COL4A3: variants seen among roughly 807,000 people sequenced by gnomAD.
COL4A3 encodes collagen alpha-3(IV) chain.
Under a neutral mutation model 217.4 loss-of-function variants are expected in COL4A3, and 135 were observed. The ratio of observed to expected loss-of-function variants is 0.62; its 90% confidence interval spans 0.54 to 0.72. The LOEUF (loss-of-function observed/expected upper bound fraction) is 0.72, where lower values mean the gene tolerates loss of function less well. COL4A3 is among the 30% of genes least tolerant of loss of function. The probability of loss-of-function intolerance (pLI) is 0.00; values close to 1 mark genes in which losing one functional copy is unlikely to be tolerated. For synonymous variants in COL4A3, 690 were observed against 736.3 expected, an observed-to-expected ratio of 0.94 and a Z score of 1.02; for missense variants, 1,868 against 2,119.9, an observed-to-expected ratio of 0.88 and a Z score of 2.33.
chr2:227,183,823 G>A (rs776222521), intron 1 of COL4A3, among the ~76,000 whole-genome samples: 1 of 152,178 alleles, frequency 6.6e-6, no homozygotes, highest in Non-Finnish European at 1.5e-5. Context: ...AGCCAAGCCA[G>A]TCAAGTGCCC....
Position 227,164,651 on chromosome 2 carries a change from G to A in COL4A3, c.-76G>A. ...GCTTTCCAGCCGGGCTCCCAGAGCC[G>A]CGCTGCGCAGGAGACGCGGTGGCCT... On this transcript the variant is annotated 5_prime_UTR_variant, in exon 1 of 52. Transcript: ENST00000396578. The surrounding 1 kb of genome is among the most constrained non-coding windows in gnomAD (Gnocchi z 4.8). 1 of 1,525,386 alleles carries A rather than the reference G, an allele frequency of 6.6e-7. No individual in the cohort carries two copies. Among genetic ancestry groups the A allele is most frequent in the Non-Finnish European group, 8.8e-7 (1 of 1,141,270 alleles). 94.5% of individuals were successfully genotyped at this position (1,525,386 alleles called of 1,614,324 possible).
At chr2:227,306,486 G>A (rs182736318) in intron 47 of COL4A3, among the ~76,000 whole-genome samples, 1 of 152,152 alleles carries the variant, frequency 6.6e-6, no homozygotes, top group East Asian at 1.9e-4. Context: ...TGAGGGCAGG[G>A]GTTAGGAAAA....
intron 1 of COL4A3, among the ~76,000 whole-genome samples, chr2:227,169,734 G>C (rs185456194): frequency 6.6e-6 from 1 of 152,082 alleles, no homozygotes; most frequent in African/African-American, 2.4e-5. Context: ...TTTTTGATGG[G>C]GTTGTTTGTT....
intron 1 of COL4A3, among the ~76,000 whole-genome samples, chr2:227,224,177 G>A (rs1243844915): frequency 6.6e-6 from 1 of 152,176 alleles, no homozygotes; most frequent in African/African-American, 2.4e-5. Flanking sequence ...CTATGAGACA[G>A]ATGAACTTTA....
intron 28 of COL4A3, 121 bp downstream of exon 28, chr2:227,277,674 G>T (rs890518071): frequency 1.2e-5 from 8 of 673,632 alleles, no homozygotes; most frequent in East Asian, 2.7e-5. Flanking sequence ...GATATAAAAT[G>T]AGTAAAATAG....
intron 26 of COL4A3, among the ~76,000 whole-genome samples, chr2:227,273,375 T>C (rs889687876): frequency 2.0e-5 from 3 of 152,140 alleles, no homozygotes; most frequent in Non-Finnish European, 4.4e-5. Flanking sequence ...ATATATGAAA[T>C]GAATAGATCC....
intron 26 of COL4A3, among the ~76,000 whole-genome samples, chr2:227,274,499 C>CTT (rs745900795): frequency 1.1e-4 from 16 of 140,584 alleles, no homozygotes; most frequent in African/African-American, 3.1e-4. Context: ...TTTGGAGCTG[C>CTT]TTTTTTTTTT....
At chr2:227,211,222 A>T (rs913497507) in intron 1 of COL4A3, among the ~76,000 whole-genome samples, 2 of 152,068 alleles carry the variant, frequency 1.3e-5, no homozygotes, top group African/African-American at 2.4e-5. Flanking sequence ...GATGGTCTTG[A>T]TCTCTTGACC....
chr2:227,292,883 G>A (rs918609606), intron 37 of COL4A3, among the ~76,000 whole-genome samples: 1 of 152,108 alleles, frequency 6.6e-6, no homozygotes. Flanking sequence ...GGCTTCCTGG[G>A]TATGCTACCA....
rs2069905327 is a variant in COL4A3, at chr2:227,253,357, T to C, written c.687+20T>C. The C allele has an allele frequency of 4.3e-6, 7 of 1,611,722 alleles. No individual in the cohort carries two copies. The Middle Eastern group carries it at 5.0e-4, about 114-fold the overall frequency. On this transcript the variant is annotated intron_variant, in intron 12 of 51. Coordinates refer to ENST00000396578, the MANE Select transcript of COL4A3 (RefSeq NM_000091.5). The surrounding 1 kb of genome is among the most constrained non-coding windows in gnomAD (Gnocchi z 4.4). ...GAGCGGGTAATTTAAATACTATGTT[T>C]TATTAGCAGGCGAGATATTTTATGT...
At chr2:227,216,727 G>T (rs555942874) in intron 1 of COL4A3, among the ~76,000 whole-genome samples, 3 of 152,090 alleles carry the variant, frequency 2.0e-5, no homozygotes, top group African/African-American at 7.2e-5. Context: ...TATTTCTTAA[G>T]TATCAGTTAT....
chr2:227,261,847 T>A (rs1451801565), intron 20 of COL4A3, among the ~76,000 whole-genome samples: 2 of 152,218 alleles, frequency 1.3e-5, no homozygotes, highest in Non-Finnish European at 1.5e-5. Context: ...AGTTCTAAAC[T>A]TTCGTCTCTG....
intron 1 of COL4A3, chr2:227,222,279 C>A (rs1341505592): frequency 6.6e-6 from 1 of 152,170 alleles, no homozygotes; most frequent in Admixed American, 6.5e-5. Context: ...CTTCCTTGCA[C>A]ATTTTCCTTT....
chr2:227,284,449 A>C, intron 34 of COL4A3, 104 bp downstream of exon 34: 1 of 1,325,608 alleles, frequency 7.5e-7, no homozygotes, highest in East Asian at 2.5e-5. Context: ...AGTGAGGGCC[A>C]GTGTTTAGTT....
At chr2:227,244,774 T>G in intron 4 of COL4A3, 177 bp from the exon 5 acceptor site, 3 of 787,806 alleles carry the variant, frequency 3.8e-6, no homozygotes, top group Non-Finnish European at 4.5e-6. Flanking sequence ...TACATAAATG[T>G]GAGATTTACA....
chr2:227,225,949 T>A (rs893262293), intron 1 of COL4A3, among the ~76,000 whole-genome samples: 2 of 152,128 alleles, frequency 1.3e-5, no homozygotes, highest in Non-Finnish European at 2.9e-5. Flanking sequence ...TGACTTCAAG[T>A]AATCCACCCG....
intron 38 of COL4A3, among the ~76,000 whole-genome samples, 173 bp downstream of exon 38, chr2:227,293,490 T>G (rs1369138214): frequency 6.6e-6 from 1 of 152,208 alleles, no homozygotes; most frequent in East Asian, 1.9e-4. Context: ...AGAGCCCAAT[T>G]TTACTAATCA....
chr2:227,249,231 T>TATATATATATATATA (rs71036175), intron 9 of COL4A3, among the ~76,000 whole-genome samples: 9 of 19,488 alleles, frequency 4.6e-4, no homozygotes, highest in African/African-American at 6.1e-4. Context: ...TATATATATA[T>TATATATATATATATA]TTTTTTTTTT....
At chr2:227,201,609 G>C (rs1481927425) in intron 1 of COL4A3, among the ~76,000 whole-genome samples, 1 of 152,162 alleles carries the variant, frequency 6.6e-6, no homozygotes, top group Non-Finnish European at 1.5e-5. Flanking sequence ...CGTGTGTTTA[G>C]AGAAACAAGT....
Sources: allele counts gnomAD v4.1 joint callset (sites outside exome capture counted in the v4.1 genomes callset), GRCh38; gene constraint gnomAD v4.1.1; non-coding constraint Gnocchi (gnomAD v3.1); transcripts MANE v1.5; gene names NCBI Gene and HGNC (gene_info 2026-07-23, HGNC 2026-07-21).